The following ESAM variants were observed in gnomAD, a reference collection of about 807,000 sequenced individuals.
ESAM encodes the protein endothelial cell adhesion molecule.
ESAM carries 23 observed loss-of-function variants against 31.8 expected under a neutral mutation model. That is an observed-to-expected ratio of 0.72 (90% CI 0.52 to 1.03). ESAM has a LOEUF of 1.03. Among genes scored for constraint, ESAM ranks in the 50% least tolerant of loss-of-function variants. The probability of loss-of-function intolerance (pLI) is 0.00; values close to 1 mark genes in which losing one functional copy is unlikely to be tolerated. For synonymous variants in ESAM, 216 were observed against 207.2 expected, an observed-to-expected ratio of 1.04 and a Z score of -0.37; for missense variants, 478 against 488.9, an observed-to-expected ratio of 0.98 and a Z score of 0.21.
rs924472046 is a variant in ESAM at position 124,759,849 on chromosome 11, C to T, written c.71-1322G>A. Among the ~76,000 whole-genome samples the T allele has an allele frequency of 6.6e-6, 1 of 152,334 alleles. No homozygotes were observed. Among genetic ancestry groups the T allele is most frequent in the Admixed American group, 6.5e-5 (1 of 15,312 alleles). On this transcript the variant is annotated intron_variant, in intron 1 of 6. Transcript: ENST00000278927. This position sits in a 1 kb window ranked among gnomAD's most constrained non-coding sequence, Gnocchi z 6.8. ...AGACCGGAGGCTCTACGGGAGGAAACAATCCCCGCCTCAAGGAGCTGGACG... is the reference window on the plus strand; with the variant it reads ...AGACCGGAGGCTCTACGGGAGGAAATAATCCCCGCCTCAAGGAGCTGGACG...
Position 124,754,284 on chromosome 11 carries a change from A to G in ESAM, c.787T>C (p.Leu263=). 3 of 1,613,938 alleles carry G rather than the reference A, an allele frequency of 1.9e-6. No individual in the cohort carries two copies. Among genetic ancestry groups the G allele is most frequent in the Non-Finnish European group, 2.5e-6 (3 of 1,179,962 alleles). ...AVVGTLVGLG[L]LAGLVLLYHR... Reference sequence around the variant, plus strand: ...TACAAGAGGACCAGCCCAGCCAGCAACCCCAGTCCAACCAGGGTACCCACA... The same window carrying G: ...TACAAGAGGACCAGCCCAGCCAGCAGCCCCAGTCCAACCAGGGTACCCACA... Residue 263 remains leucine, a synonymous_variant, in exon 6 of 7, where the codon TTG becomes CTG. Coordinates refer to ENST00000278927, the MANE Select transcript of ESAM (RefSeq NM_138961.3). The surrounding 1 kb of genome is among the most constrained non-coding windows in gnomAD (Gnocchi z 4.5).
At position 124,762,114 on chromosome 11, in the gene ESAM, C is replaced by G; in HGVS notation, c.41G>C (p.Arg14Pro). The change falls in exon 1 of 7, where the codon CGG (arginine) becomes CCG (proline). Residue 14 changes from arginine to proline, a missense_variant. Arg to Pro is a moderately radical substitution (Grantham distance 103). Coordinates refer to ENST00000278927, the MANE Select transcript of ESAM (RefSeq NM_138961.3). The surrounding 1 kb of genome is among the most constrained non-coding windows in gnomAD (Gnocchi z 6.4). ...LPGPLVTNLL[R>P]FLFLGLSALA... ...GGCACTCAGCCCCAGGAACAAAAAC[C>G]GCAGCAAGTTGGTCACCAGGGGCCC... The G allele has an allele frequency of 6.2e-7, 1 of 1,609,278 alleles. No individual in the cohort carries two copies. The highest frequency in any genetic ancestry group is 8.5e-7 in the Non-Finnish European group (1 of 1,177,694).
In ESAM at chr11:124,759,434, C is replaced by T. The variant is rs1004322784; in HGVS notation, c.71-907G>A. On this transcript the variant is annotated intron_variant, in intron 1 of 6. Transcript: ENST00000278927. This position sits in a 1 kb window ranked among gnomAD's most constrained non-coding sequence, Gnocchi z 6.8. Reference sequence around the variant, plus strand: ...AACTGGTAAGCCCTTTGGGGAATAACCTTGGGCTTGCACACGGCCAGGCCT... The same window carrying T: ...AACTGGTAAGCCCTTTGGGGAATAATCTTGGGCTTGCACACGGCCAGGCCT... 3 of 152,362 alleles carry T rather than the reference C, an allele frequency of 2.0e-5. No individual in the cohort carries two copies. The highest frequency in any genetic ancestry group is 1.3e-4 in the Admixed American group (2 of 15,294). 9.4% of individuals were successfully genotyped at this position (152,362 alleles called of 1,614,324 possible). A position where few individuals can be genotyped will look rare whatever the true frequency, so the allele number is the denominator to read the frequency against.
intron 3 of ESAM, 83 bp from the exon 4 acceptor site, chr11:124,756,445 A>G: frequency 1.3e-6 from 2 of 1,582,256 alleles, no homozygotes; most frequent in East Asian, 2.2e-5. Context: ...CTGTCGCTTC[A>G]TTTGTTCCTC....
In ESAM at chr11:124,753,204, A is replaced by G. The variant is rs1764828733; in HGVS notation, c.*442T>C. ...CAACACATATTTCATGTTAGTTTTAATAAGAGATTCCCTATCCTCTGCCCC... is the reference window on the plus strand; with the variant it reads ...CAACACATATTTCATGTTAGTTTTAGTAAGAGATTCCCTATCCTCTGCCCC... On this transcript the variant is annotated 3_prime_UTR_variant, in exon 7 of 7. Transcript: ENST00000278927. The G allele has an allele frequency of 5.7e-6, 1 of 174,874 alleles. No homozygotes were observed. The highest frequency in any genetic ancestry group is 1.2e-5 in the Non-Finnish European group (1 of 80,848). 10.8% of individuals were successfully genotyped at this position (174,874 alleles called of 1,614,324 possible).
Position 124,762,111 on chromosome 11 carries a change from A to C in ESAM, c.44T>G (p.Phe15Cys), listed in dbSNP as rs778017283. Residue 15 changes from phenylalanine to cysteine, a missense_variant, in exon 1 of 7, where the codon TTT becomes TGT. Physicochemically the swap from Phe to Cys is radical, Grantham distance 205 (BLOSUM62 -2). Transcript: ENST00000278927. The surrounding 1 kb of genome is among the most constrained non-coding windows in gnomAD (Gnocchi z 6.4). ...GAGGGCACTCAGCCCCAGGAACAAAAACCGCAGCAAGTTGGTCACCAGGGG... is the reference window on the plus strand; with the variant it reads ...GAGGGCACTCAGCCCCAGGAACAAACACCGCAGCAAGTTGGTCACCAGGGG... ...PGPLVTNLLRFLFLGLSALAP... is the reference protein window; with the variant it reads ...PGPLVTNLLRCLFLGLSALAP... The C allele has an allele frequency of 1.8e-5, 29 of 1,609,198 alleles. No individual in the cohort carries two copies. Among genetic ancestry groups the C allele is most frequent in the Non-Finnish European group, 2.0e-5 (24 of 1,177,734 alleles).
Position 124,753,670 on chromosome 11 carries a change from C to A in ESAM, c.1149G>T (p.Gln383His), listed in dbSNP as rs1444416260. 1 of 1,613,846 alleles carries A rather than the reference C, an allele frequency of 6.2e-7. No homozygotes were observed. The highest frequency in any genetic ancestry group is 8.5e-7 in the Non-Finnish European group (1 of 1,180,038). ...MGAVPVMVPA[Q>H]SQAGSLV ...ATCATACCAGAGAGCCAGCTTGACT[C>A]TGGGCAGGCACCATCACAGGCACAG... Residue 383 changes from glutamine (Q) to histidine (H), a missense_variant, in exon 7 of 7, where the codon CAG (glutamine) becomes CAT (histidine). By Grantham distance (24) the Gln-to-His change is conservative (BLOSUM62 0). Transcript: ENST00000278927.
At position 124,754,832 on chromosome 11, in the gene ESAM, C is replaced by T. The variant is rs1944137085; in HGVS notation, c.608-69G>A. ...ATTAAAAAAAAAAAAAAATCTTGTCCCTCCTCTGGAATGTCCCCTTTGACC... is the reference window on the plus strand; with the variant it reads ...ATTAAAAAAAAAAAAAAATCTTGTCTCTCCTCTGGAATGTCCCCTTTGACC... On this transcript the variant is annotated intron_variant, in intron 4 of 6. Coordinates refer to ENST00000278927, the MANE Select transcript of ESAM (RefSeq NM_138961.3). This position sits in a 1 kb window ranked among gnomAD's most constrained non-coding sequence, Gnocchi z 4.5. The T allele has an allele frequency of 2.7e-6, 4 of 1,475,576 alleles. No individual in the cohort carries two copies. The highest frequency in any genetic ancestry group is 2.7e-6 in the Non-Finnish European group (3 of 1,094,186). The allele number at this position is 1,475,576 out of a possible 1,614,324, so 91.4% of individuals were successfully genotyped here.
In ESAM at chr11:124,754,410, C is replaced by T; in HGVS notation, c.731-70G>A. The stretch of plus-strand genomic sequence containing the variant: ...TCTCACCCCTCTCCAATCCCACTCT[C>T]CCCACCCCATCTGCCACCATACACA... On this transcript the variant is annotated intron_variant, in intron 5 of 6. Transcript: ENST00000278927. The surrounding 1 kb of genome is among the most constrained non-coding windows in gnomAD (Gnocchi z 4.5). The T allele has an allele frequency of 6.4e-7, 1 of 1,570,588 alleles. No homozygotes were observed. The highest frequency in any genetic ancestry group is 8.6e-7 in the Non-Finnish European group (1 of 1,158,768).
In ESAM at chr11:124,756,738, A is replaced by G; in HGVS notation, c.254T>C (p.Leu85Ser). ...FKQKEKEDQV[L>S]SYINGVTTSK... Reference sequence around the variant, plus strand: ...TGTTGTGACCCCATTGATGTAGGACAACACCTGGTGTGGGGCATAACACAT... The same window carrying G: ...TGTTGTGACCCCATTGATGTAGGACGACACCTGGTGTGGGGCATAACACAT... Residue 85 changes from leucine (L) to serine (S), a missense_variant, in exon 3 of 7, where the codon TTG (leucine) becomes TCG (serine). By Grantham distance (145) the Leu-to-Ser change is moderately radical. Coordinates refer to ENST00000278927, the MANE Select transcript of ESAM (RefSeq NM_138961.3). The G allele has an allele frequency of 6.2e-7, 1 of 1,614,104 alleles. No homozygotes were observed. Among genetic ancestry groups the G allele is most frequent in the Non-Finnish European group, 8.5e-7 (1 of 1,180,016 alleles).
Position 124,754,350 on chromosome 11 carries a change from G to GC in ESAM, c.731-11dup, listed in dbSNP as rs1944129683. 3.1e-6 allele frequency: 5 copies of GC among 1,613,638 alleles called. No homozygotes were observed. Among genetic ancestry groups the GC allele is most frequent in the Middle Eastern group, 1.7e-4 (1 of 6,056 alleles). ...ACTGCAGCTCCAGGCCCTGGAAAAG[G>GC]CGTCGTGTCAGAGGAGGACACCCAG... On this transcript the variant is annotated splice_polypyrimidine_tract_variant and intron_variant, in intron 5 of 6. Coordinates refer to ENST00000278927, the MANE Select transcript of ESAM (RefSeq NM_138961.3). This position sits in a 1 kb window ranked among gnomAD's most constrained non-coding sequence, Gnocchi z 4.5.
At chr11:124,761,978 G>C in intron 1 of ESAM, 107 bp downstream of exon 1, 1 of 975,368 alleles carries the variant, frequency 1.0e-6, no homozygotes, top group South Asian at 1.4e-5. Flanking sequence ...AGGGGAGGAG[G>C]GCGAGTCGTG....
chr11:124,760,339 G>A (rs1431785697), intron 1 of ESAM, among the ~76,000 whole-genome samples: 1 of 152,258 alleles, frequency 6.6e-6, no homozygotes, highest in Non-Finnish European at 1.5e-5. Context: ...CACTGGGACA[G>A]CCCAAGAAAG....
chr11:124,758,910 C>A (rs1255945096), intron 1 of ESAM, among the ~76,000 whole-genome samples: 1 of 152,218 alleles, frequency 6.6e-6, no homozygotes. Flanking sequence ...ACGTAGCCCA[C>A]TTGCTTCCCT....
At chr11:124,761,322 C>T (rs1247870888) in intron 1 of ESAM, among the ~76,000 whole-genome samples, 1 of 152,336 alleles carries the variant, frequency 6.6e-6, no homozygotes, top group East Asian at 1.9e-4. Context: ...CTGAAGCCAG[C>T]GCCCCTGGAG....
chr11:124,758,262 C>T, intron 2 of ESAM, 87 bp downstream of exon 2: 1 of 1,527,094 alleles, frequency 6.5e-7, no homozygotes, highest in East Asian at 2.3e-5. Context: ...CCCATTCCCT[C>T]TCCACCCCTC....
rs915321358 is a variant in ESAM at position 124,758,495 on chromosome 11, A to G, written c.103T>C (p.Leu35=). ...PPSRAQLQLH[L]PANRLQAVEG... is the part of the protein sequence containing the mutation. Reference sequence around the variant, plus strand: ...ACCGCCTGCAACCGGTTGGCGGGCAAGTGCAGTTGCAGCTGGGCCCGCGAG... The same window carrying G: ...ACCGCCTGCAACCGGTTGGCGGGCAGGTGCAGTTGCAGCTGGGCCCGCGAG... The change falls in exon 2 of 7, where the codon TTG becomes CTG. Residue 35 remains leucine (L), a synonymous_variant. Transcript: ENST00000278927. 7 of 1,602,172 alleles carry G rather than the reference A, an allele frequency of 4.4e-6. No individual in the cohort carries two copies. The highest frequency in any genetic ancestry group is 6.0e-6 in the Non-Finnish European group (7 of 1,174,074).
chr11:124,761,641 C>G, intron 1 of ESAM, among the ~76,000 whole-genome samples: 1 of 152,194 alleles, frequency 6.6e-6, no homozygotes, highest in East Asian at 1.9e-4. Context: ...TGTGTCAAGC[C>G]TGGGGACCAG....
Position 124,754,250 on chromosome 11 carries a change from C to G in ESAM, c.821G>C (p.Arg274Pro), listed in dbSNP as rs745435981. The G allele has an allele frequency of 6.2e-6, 10 of 1,613,882 alleles. No individual in the cohort carries two copies. The Admixed American group carries it at 6.7e-5, about 11-fold the overall frequency. The change falls in exon 6 of 7, where the codon CGG (arginine) becomes CCG (proline). Residue 274 changes from arginine to proline, a missense_variant. Coordinates refer to ENST00000278927, the MANE Select transcript of ESAM (RefSeq NM_138961.3). This position sits in a 1 kb window ranked among gnomAD's most constrained non-coding sequence, Gnocchi z 4.5. ...LAGLVLLYHR[R>P]GKALEEPAND... ...GGCTGGCTCCTCCAGGGCCTTGCCC[C>G]GGCGGTGGTACAAGAGGACCAGCCC...
Sources: allele counts gnomAD v4.1 joint callset (sites outside exome capture counted in the v4.1 genomes callset), GRCh38; gene constraint gnomAD v4.1.1; non-coding constraint Gnocchi (gnomAD v3.1); transcripts MANE v1.5; gene names NCBI Gene and HGNC (gene_info 2026-07-23, HGNC 2026-07-21).